Variants in OSBPL3 observed in about 807,000 individuals in gnomAD.
OSBPL3 encodes oxysterol binding protein like 3.
Under a neutral mutation model 120.1 loss-of-function variants are expected in OSBPL3, and 65 were observed. The observed-to-expected ratio is 0.54, with a 90% CI of 0.44 to 0.67. The LOEUF (loss-of-function observed/expected upper bound fraction) is 0.67, where lower values mean the gene tolerates loss of function less well. Ranked by LOEUF, OSBPL3 falls within the 30% of genes least tolerant of loss-of-function variation. The pLI is 0.00. For synonymous variants in OSBPL3, 416 were observed against 402.6 expected (o/e 1.03, Z -0.40); for missense variants, 1,004 against 1,082.1 (o/e 0.93, Z 1.01).
rs1027774727 is a variant in OSBPL3, at chr7:24,804,225, G to A, written c.2567+90C>T. ...AAAAGCCTGGAGAATGCTCTTATCT[G>A]GGGACAGTACTGTTCACTTTCTGCA... On this transcript the variant is annotated intron_variant, in intron 22 of 22. Coordinates refer to ENST00000313367, the MANE Select transcript of OSBPL3 (RefSeq NM_015550.4). The surrounding 1 kb of genome is among the most constrained non-coding windows in gnomAD (Gnocchi z 5.4). The A allele has an allele frequency of 2.1e-5, 31 of 1,460,236 alleles. No homozygotes were observed. The highest frequency in any genetic ancestry group is 3.0e-5 in the Non-Finnish European group (31 of 1,050,426). The allele number at this position is 1,460,236 out of a possible 1,614,324, so 90.5% of individuals were successfully genotyped here.
rs1164902894 is a variant in OSBPL3, at chr7:24,892,443, C to T, written c.30G>A (p.Val10=). ...TTGAAGGTGATACCAATTTTTGGGACACACCAAGGTTCTTCTCATCACTCA... is the reference window on the plus strand; with the variant it reads ...TTGAAGGTGATACCAATTTTTGGGATACACCAAGGTTCTTCTCATCACTCA... MMSDEKNLG[V]SQKLVSPSRS... Residue 10 remains valine (V), a synonymous_variant, in exon 2 of 23, where the codon GTG becomes GTA. Coordinates refer to ENST00000313367, the MANE Select transcript of OSBPL3 (RefSeq NM_015550.4). The T allele has an allele frequency of 6.2e-7, 1 of 1,613,760 alleles. No homozygotes were observed. Among genetic ancestry groups the T allele is most frequent in the East Asian group, 2.2e-5 (1 of 44,878 alleles).
In OSBPL3 at chr7:24,863,443, G is replaced by T. The variant is rs925612016; in HGVS notation, c.777+53C>A. 2 of 1,485,924 alleles carry T rather than the reference G, an allele frequency of 1.3e-6. No individual in the cohort carries two copies. Among genetic ancestry groups the T allele is most frequent in the Non-Finnish European group, 1.9e-6 (2 of 1,063,128 alleles). 92.0% of individuals were successfully genotyped at this position (1,485,924 alleles called of 1,614,324 possible). ...CACTGTTAGTGAAAGGCTGGGAGGAGAAAGGAAAGCAGAAGAGGGCCAGAA... is the reference window on the plus strand; with the variant it reads ...CACTGTTAGTGAAAGGCTGGGAGGATAAAGGAAAGCAGAAGAGGGCCAGAA... On this transcript the variant is annotated intron_variant, in intron 8 of 22. Coordinates refer to ENST00000313367, the MANE Select transcript of OSBPL3 (RefSeq NM_015550.4). The surrounding 1 kb of genome is among the most constrained non-coding windows in gnomAD (Gnocchi z 5.8).
chr7:24,959,612 T>C lies in OSBPL3; in HGVS notation c.-150+20274A>G, dbSNP rs923243963. ...TTGTTCTGGACGCTGGTTACACAGG[T>C]TATTTATCTTCTGAAAACTCATTAG... On this transcript the variant is annotated intron_variant, in intron 1 of 22. Transcript: ENST00000313367. The surrounding 1 kb of genome is among the most constrained non-coding windows in gnomAD (Gnocchi z 4.3). 6.6e-5 allele frequency among the ~76,000 whole-genome samples: 10 copies of C among 152,330 alleles called. No homozygotes were observed. Among genetic ancestry groups the C allele is most frequent in the Middle Eastern group, 3.4e-3 (1 of 294 alleles).
In OSBPL3 at chr7:24,947,962, AT is replaced by A. The variant is rs757878482; in HGVS notation, c.-150+31923del. ...TATCACAGATTAAGCTTTAAGAATG[AT>A]TTTTTTAATCCAATGTTCATTTCTA... On this transcript the variant is annotated intron_variant, in intron 1 of 22. Coordinates refer to ENST00000313367, the MANE Select transcript of OSBPL3 (RefSeq NM_015550.4). This position sits in a 1 kb window ranked among gnomAD's most constrained non-coding sequence, Gnocchi z 4.4. Among the ~76,000 whole-genome samples, 6 of 152,162 alleles carry A rather than the reference AT, an allele frequency of 3.9e-5. No individual in the cohort carries two copies. In the South Asian group the frequency reaches 6.2e-4, roughly 16 times the overall value.
intron 1 of OSBPL3, 49 bp downstream of exon 1, chr7:24,979,837 A>AGGCCCCCCGACACCCC: frequency 1.0e-6 from 1 of 962,380 alleles, no homozygotes; most frequent in Non-Finnish European, 1.2e-6. Flanking sequence ...CGCCGCCGCC[A>AGGCCCCCCGACACCCC]GGCCCCCCGA....
At chr7:24,917,723 A>G (rs944439555) in intron 1 of OSBPL3, among the ~76,000 whole-genome samples, 1 of 152,092 alleles carries the variant, frequency 6.6e-6, no homozygotes, top group Non-Finnish European at 1.5e-5. Flanking sequence ...TAGTCCCAGA[A>G]GGCTCTCTGT....
rs755718969 is a variant in OSBPL3 at position 24,965,542 on chromosome 7, C to T, written c.-150+14344G>A. On this transcript the variant is annotated intron_variant, in intron 1 of 22. Transcript: ENST00000313367. The surrounding 1 kb of genome is among the most constrained non-coding windows in gnomAD (Gnocchi z 4.3). ...AGAATGGACTCCAGGCTGGTTAAGA[C>T]TTGGTCTTCTGCCTGCTGAACCAAT... Among the ~76,000 whole-genome samples the T allele has an allele frequency of 1.3e-5, 2 of 152,150 alleles. No homozygotes were observed. Among genetic ancestry groups the T allele is most frequent in the East Asian group, 1.9e-4 (1 of 5,196 alleles).
intron 1 of OSBPL3, among the ~76,000 whole-genome samples, chr7:24,942,633 G>A (rs1267303782): frequency 1.3e-5 from 2 of 152,194 alleles, no homozygotes; most frequent in Admixed American, 1.3e-4. Flanking sequence ...CCTGTTAGGT[G>A]CAAGCCTTCA....
At chr7:24,948,545 G>T (rs980607468) in intron 1 of OSBPL3, among the ~76,000 whole-genome samples, 6 of 152,218 alleles carry the variant, frequency 3.9e-5, no homozygotes, top group Non-Finnish European at 8.8e-5. Flanking sequence ...TATAGGATTG[G>T]GTGATAATGC....
At chr7:24,868,823 C>G (rs1168625171) in intron 5 of OSBPL3, among the ~76,000 whole-genome samples, 1 of 152,182 alleles carries the variant, frequency 6.6e-6, no homozygotes, top group African/African-American at 2.4e-5. Context: ...CCTCTGATCT[C>G]TTCTCAGAGG....
In OSBPL3 at chr7:24,974,697, C is replaced by G. The variant is rs75436721; in HGVS notation, c.-150+5189G>C. The stretch of plus-strand genomic sequence containing the variant: ...AATGAAGTACTGATACATGCTACAA[C>G]AGAAATTAACCTTGAAAACAACATA... On this transcript the variant is annotated intron_variant, in intron 1 of 22. Transcript: ENST00000313367. Among the ~76,000 whole-genome samples, 1,427 of 152,220 alleles carry G rather than the reference C, an allele frequency of 9.4e-3. 16 individuals are homozygous for G. Among genetic ancestry groups the G allele is most frequent in the African/African-American group, 0.032 (1,347 of 41,502 alleles).
chr7:24,826,940 C>A (rs190918861), intron 16 of OSBPL3, among the ~76,000 whole-genome samples: 2 of 152,228 alleles, frequency 1.3e-5, no homozygotes, highest in Non-Finnish European at 2.9e-5. Flanking sequence ...ATCCACAAGA[C>A]AACAAAATCA....
chr7:24,806,874 G>A lies in OSBPL3; in HGVS notation c.2346C>T (p.Tyr782=), dbSNP rs1158368106. ...ANPMPKGYEQ[Y]YSFTQFALEL... is the part of the protein sequence containing the mutation. The stretch of plus-strand genomic sequence containing the variant: ...CCAGCGCAAACTGTGTGAAGCTATA[G>A]TATTGCTCGTAGCCTTTCGGCATAG... Residue 782 remains tyrosine (Y), a synonymous_variant, in exon 21 of 23, where the codon TAC becomes TAT. Transcript: ENST00000313367. This position sits in a 1 kb window ranked among gnomAD's most constrained non-coding sequence, Gnocchi z 5.2. 4 of 1,613,320 alleles carry A rather than the reference G, an allele frequency of 2.5e-6. No homozygotes were observed. The highest frequency in any genetic ancestry group is 2.2e-5 in the East Asian group (1 of 44,844).
intron 1 of OSBPL3, among the ~76,000 whole-genome samples, chr7:24,951,878 T>G (rs1281193912): frequency 2.6e-5 from 4 of 152,222 alleles, no homozygotes; most frequent in Admixed American, 1.3e-4. Flanking sequence ...GGTACATCTT[T>G]CAGCTCAAAT....
chr7:24,969,918 A>G (rs1816805157), intron 1 of OSBPL3, among the ~76,000 whole-genome samples: 1 of 152,058 alleles, frequency 6.6e-6, no homozygotes, highest in Non-Finnish European at 1.5e-5. Flanking sequence ...TGGAGTTACT[A>G]TGGGATTTAG....
At chr7:24,857,776 TAAAC>T (rs1431053011) in intron 10 of OSBPL3, among the ~76,000 whole-genome samples, 1 of 152,218 alleles carries the variant, frequency 6.6e-6, no homozygotes, top group Non-Finnish European at 1.5e-5. Flanking sequence ...GTCACTGAGT[TAAAC>T]AAAGCCAACA....
At chr7:24,809,182 A>AT (rs1423628290) in intron 20 of OSBPL3, among the ~76,000 whole-genome samples, 18 of 152,318 alleles carry the variant, frequency 1.2e-4, no homozygotes, top group African/African-American at 4.1e-4. Context: ...CCTAACAGTT[A>AT]TATCTCAGAA....
At chr7:24,969,304 T>C (rs554489545) in intron 1 of OSBPL3, among the ~76,000 whole-genome samples, 1 of 152,366 alleles carries the variant, frequency 6.6e-6, no homozygotes, top group South Asian at 2.1e-4. Context: ...AACTATGTGT[T>C]CAAACTCTTT....
intron 19 of OSBPL3, among the ~76,000 whole-genome samples, chr7:24,814,453 T>C (rs569462335): frequency 2.8e-4 from 42 of 150,928 alleles, no homozygotes; most frequent in Non-Finnish European, 6.0e-4. Context: ...TGATACAGCA[T>C]GACATTAAAA....
Sources: gnomAD v4.1 joint callset for allele counts (sites outside exome capture counted in the v4.1 genomes callset) on GRCh38, gnomAD v4.1.1 for gene constraint, Gnocchi (gnomAD v3.1) non-coding constraint, MANE v1.5 for transcripts, NCBI Gene and HGNC (gene_info 2026-07-23, HGNC 2026-07-21) for gene names.